The following KDM5B variants were observed in gnomAD, a reference collection of about 807,000 sequenced individuals.
KDM5B encodes the protein lysine demethylase 5B, also known as lysine-specific demethylase 5B.
KDM5B carries 144 observed loss-of-function variants against 193.4 expected under a neutral mutation model. That is an observed-to-expected ratio of 0.74 (90% CI 0.65 to 0.86). The LOEUF is 0.86. Ranked by LOEUF, KDM5B falls within the 40% of genes least tolerant of loss-of-function variation. KDM5B has a pLI of 0.00. For missense variants in KDM5B, 1,833 were observed against 1,886.9 expected (o/e 0.97, Z 0.53); for synonymous variants, 668 against 682.6 (o/e 0.98, Z 0.33).
chr1:202,799,006 C>T lies in KDM5B; in HGVS notation c.204+9096G>A, dbSNP rs1294437165. On this transcript the variant is annotated intron_variant, in intron 1 of 26. Transcript: ENST00000367265. ...CTGCACTCCAGCCTGGGCAACAGAG[C>T]AAGACTCTGTCCCCGGGGGACAAGG... is the stretch of plus-strand genomic sequence containing the variant. Among the ~76,000 whole-genome samples the T allele has an allele frequency of 6.6e-5, 10 of 152,126 alleles. No homozygotes were observed. In the South Asian group the frequency reaches 2.1e-3, roughly 32 times the overall value.
chr1:202,806,662 G>A, intron 1 of KDM5B: 1 of 152,140 alleles, frequency 6.6e-6, no homozygotes, highest in East Asian at 1.9e-4. Flanking sequence ...TTGGGGCAGG[G>A]AAGGGTTAAG....
chr1:202,808,258 G>A lies in KDM5B; in HGVS notation c.48C>T (p.Pro16=), dbSNP rs1328483495. 1.2e-6 allele frequency: 2 copies of A among 1,609,804 alleles called. No individual in the cohort carries two copies. Among genetic ancestry groups the A allele is most frequent in the Non-Finnish European group, 1.7e-6 (2 of 1,178,610 alleles). ...CGCCCAGCGGGCCCGGGCCCCCGAG[G>A]GGCAGCGCCGGGCGCGGGCCTGGGT... The part of the protein sequence containing the change: ...TLHPGPRPAL[P]LGGPGPLGEF... The change falls in exon 1 of 27, where the codon CCC becomes CCT. Residue 16 remains proline, a synonymous_variant. Coordinates refer to ENST00000367265, the MANE Select transcript of KDM5B (RefSeq NM_006618.5).
chr1:202,757,474 C>CA (rs2102266331), intron 9 of KDM5B, among the ~76,000 whole-genome samples: 1 of 152,294 alleles, frequency 6.6e-6, no homozygotes, highest in Non-Finnish European at 1.5e-5. Context: ...TCAATGTCCT[C>CA]ATCTAATATT....
At chr1:202,750,618 A>G in intron 13 of KDM5B, 41 bp downstream of exon 13, 12 of 1,599,710 alleles carry the variant, frequency 7.5e-6, no homozygotes, top group Non-Finnish European at 1.0e-5. Context: ...CTCAGGAAAA[A>G]CAATAAATTT....
Position 202,736,221 on chromosome 1 carries a change from G to C in KDM5B, c.3256C>G (p.Leu1086Val). ...GCTGGTTGTAAACTTACCTCTAAGA[G>C]AGAATATGGAGAATTCTCAGTCAAG... ...TFLTENSPYS[L>V]LEVLCPRCDI... Residue 1086 changes from leucine to valine, a missense_variant, in exon 21 of 27, where the codon CTC becomes GTC. Around this residue, in one of 3 missense-constraint regions of KDM5B, gnomAD observed 1,379 missense variants for 1,349.6 expected, o/e 1.02. Transcript: ENST00000367265. The C allele has an allele frequency of 1.3e-6, 2 of 1,572,968 alleles. No homozygotes were observed. The highest frequency in any genetic ancestry group is 1.7e-6 in the Non-Finnish European group (2 of 1,157,476).
rs1655090929 is a variant in KDM5B at position 202,736,287 on chromosome 1, C to G, written c.3190G>C (p.Ala1064Pro). The G allele has an allele frequency of 6.2e-7, 1 of 1,612,742 alleles. No individual in the cohort carries two copies. Reference protein sequence around the residue: ...NSLPRLETLVAEVQAWKECAV... With the variant: ...NSLPRLETLVPEVQAWKECAV... ...CATTCTTTCCAAGCCTGAACCTCAG[C>G]TACTAGGGTTTCCAGTCTTGGCAAA... Residue 1064 changes from alanine to proline, a missense_variant, in exon 21 of 27, where the codon GCT (alanine) becomes CCT (proline). This residue lies in a region of KDM5B where 1,379 missense variants were observed against 1,349.6 expected (regional missense o/e 1.02). Transcript: ENST00000367265.
chr1:202,740,602 T>A, intron 20 of KDM5B, 72 bp downstream of exon 20: 4 of 1,401,124 alleles, frequency 2.9e-6, no homozygotes, highest in Non-Finnish European at 3.9e-6. Context: ...CCCACCTCCC[T>A]CCCGGACGGG....
intron 16 of KDM5B, among the ~76,000 whole-genome samples, chr1:202,745,482 T>C (rs1655515662): frequency 6.6e-6 from 1 of 152,212 alleles, no homozygotes; most frequent in South Asian, 2.1e-4. Flanking sequence ...GACTCCTGAT[T>C]TAGTGTCATG....
intron 7 of KDM5B, among the ~76,000 whole-genome samples, chr1:202,761,028 G>GAAAAAAAAA (rs796703688): frequency 6.8e-6 from 1 of 147,816 alleles, no homozygotes. Flanking sequence ...TGTCTCAGGA[G>GAAAAAAAAA]AAAAAAAAAA....
intron 1 of KDM5B, among the ~76,000 whole-genome samples, chr1:202,789,223 T>C (rs777857487): frequency 1.3e-5 from 2 of 152,040 alleles, no homozygotes; most frequent in Non-Finnish European, 2.9e-5. Flanking sequence ...TGCAATAGTA[T>C]TAAAGAAAGA....
rs144390145 is a variant in KDM5B, at chr1:202,746,142, C to T, written c.2198G>A (p.Arg733Gln). The change falls in exon 15 of 27, where the codon CGG (arginine) becomes CAG (glutamine). Residue 733 changes from arginine to glutamine, a missense_variant and splice_region_variant. By Grantham distance (43) the Arg-to-Gln change is conservative. Around this residue, in one of 3 missense-constraint regions of KDM5B, gnomAD observed 1,379 missense variants for 1,349.6 expected, o/e 1.02. Coordinates refer to ENST00000367265, the MANE Select transcript of KDM5B (RefSeq NM_006618.5). The stretch of plus-strand genomic sequence containing the variant: ...AAAAAAAATCGTTCTTCCTACTTAC[C>T]GCAATTTATATTTGTAAGGAGGACA... Reference protein sequence around the residue: ...CSCPPYKYKLRYRYTLDDLYP... With the variant: ...CSCPPYKYKLQYRYTLDDLYP... 2.6e-3 allele frequency: 4,222 copies of T among 1,603,820 alleles called. 43 individuals carry two copies. The highest frequency in any genetic ancestry group is 0.021 in the South Asian group (1,930 of 90,202).
At position 202,729,218 on chromosome 1, in the gene KDM5B, G is replaced by T. The variant is rs199866116; in HGVS notation, c.4498-45C>A. 826 of 1,610,968 alleles carry T rather than the reference G, an allele frequency of 5.1e-4. 4 individuals carry two copies. Among genetic ancestry groups the T allele is most frequent in the Middle Eastern group, 1.8e-3 (10 of 5,480 alleles). On this transcript the variant is annotated intron_variant, in intron 26 of 26. Coordinates refer to ENST00000367265, the MANE Select transcript of KDM5B (RefSeq NM_006618.5). ...AGATGGGGTTTTCAGAGGAAAAAATGGATTCAAAATTGGGCAGGCCAGCCT... is the reference window on the plus strand; with the variant it reads ...AGATGGGGTTTTCAGAGGAAAAAATTGATTCAAAATTGGGCAGGCCAGCCT...
chr1:202,759,245 A>C (rs1656141652), intron 8 of KDM5B, among the ~76,000 whole-genome samples: 1 of 152,188 alleles, frequency 6.6e-6, no homozygotes, highest in Non-Finnish European at 1.5e-5. Flanking sequence ...TATTAATGCA[A>C]AATAATCCTA....
intron 16 of KDM5B, among the ~76,000 whole-genome samples, chr1:202,744,325 C>A (rs776589256): frequency 6.6e-6 from 1 of 152,184 alleles, no homozygotes; most frequent in South Asian, 2.1e-4. Context: ...TTTGGGAGGC[C>A]GAGGCAGGCA....
chr1:202,798,435 T>C (rs1036247200), intron 1 of KDM5B, among the ~76,000 whole-genome samples: 2 of 151,964 alleles, frequency 1.3e-5, no homozygotes, highest in Non-Finnish European at 2.9e-5. Context: ...ATGCTGGCTA[T>C]ACTCTGGTTT....
At chr1:202,765,291 A>G (rs1656406700) in intron 5 of KDM5B, among the ~76,000 whole-genome samples, 1 of 152,244 alleles carries the variant, frequency 6.6e-6, no homozygotes, top group South Asian at 2.1e-4. Context: ...CATTGAGGGT[A>G]TAGAAGCCAA....
chr1:202,742,104 G>C (rs935513778), intron 18 of KDM5B, among the ~76,000 whole-genome samples: 1 of 151,978 alleles, frequency 6.6e-6, no homozygotes, highest in Non-Finnish European at 1.5e-5. Context: ...TTGAACTCCT[G>C]ACCTCATGAT....
Position 202,766,053 on chromosome 1 carries a change from T to A in KDM5B, c.711+873A>T, listed in dbSNP as rs143104783. ...AGTGAGACCTTGTCTTTATTAAAAATTTTTTTTTAATTAGCTAGGCATGCA... is the reference window on the plus strand; with the variant it reads ...AGTGAGACCTTGTCTTTATTAAAAAATTTTTTTTAATTAGCTAGGCATGCA... On this transcript the variant is annotated intron_variant, in intron 5 of 26. Coordinates refer to ENST00000367265, the MANE Select transcript of KDM5B (RefSeq NM_006618.5). Among the ~76,000 whole-genome samples the A allele has an allele frequency of 8.7e-4, 133 of 152,162 alleles. 1 individual carries two copies. In the East Asian group the frequency reaches 0.019, roughly 22 times the overall value.
intron 1 of KDM5B, among the ~76,000 whole-genome samples, chr1:202,802,320 T>C (rs1056086298): frequency 6.6e-6 from 1 of 152,202 alleles, no homozygotes; most frequent in Non-Finnish European, 1.5e-5. Context: ...AAAGGTCCCA[T>C]TACAGCATTT....
Sources: gnomAD v4.1 joint callset for allele counts (sites outside exome capture counted in the v4.1 genomes callset) on GRCh38, gnomAD v4.1.1 for gene constraint, gnomAD v4.1.1 regional missense constraint, MANE v1.5 for transcripts, NCBI Gene and HGNC (gene_info 2026-07-23, HGNC 2026-07-21) for gene names.